Variants in NXPE2 observed in about 807,000 individuals in gnomAD.
NXPE2 encodes neurexophilin and PC-esterase domain family member 2.
A neutral mutation model predicts 34.4 loss-of-function variants in NXPE2; 34 were observed. The ratio of observed to expected loss-of-function variants is 0.99; its 90% CI spans 0.75 to 1.31. NXPE2 has a LOEUF of 1.31. Among genes scored for constraint, NXPE2 ranks in the 40% most tolerant of loss-of-function variants. NXPE2 has a pLI of 0.00. For synonymous variants in NXPE2, 235 were observed against 231.3 expected (o/e 1.02, Z -0.15); for missense variants, 649 against 672.5 (o/e 0.97, Z 0.39).
the NXPE2 span, among the ~76,000 whole-genome samples, chr11:114,505,896 C>G: frequency 3.3e-5 from 5 of 151,956 alleles, no homozygotes. Flanking sequence ...TGTAAATGGG[C>G]TAAATGCCCC....
the NXPE2 span, among the ~76,000 whole-genome samples, chr11:114,807,946 A>C: frequency 2.0e-5 from 3 of 152,234 alleles, no homozygotes; most frequent in African/African-American, 7.2e-5. Context: ...GTTGGAAGTA[A>C]AGCACTCCTC....
In NXPE2 at chr11:114,706,426, G is replaced by C; in HGVS notation, c.1176G>C (p.Gly392=). The stretch of plus-strand genomic sequence containing the variant: ...AATATTTTGATCATCATGGAGCTGG[G>C]ATCTTTAAAACACATGTTCTTCTGG... ...TLKYFDHHGA[G]IFKTHVLLDV... The change falls in exon 6 of 6, where the codon GGG becomes GGC. Residue 392 remains glycine, a synonymous_variant. Coordinates refer to ENST00000389586, the MANE Select transcript of NXPE2 (RefSeq NM_182495.6). The C allele has an allele frequency of 6.5e-7, 1 of 1,548,672 alleles. No individual in the cohort carries two copies. The highest frequency in any genetic ancestry group is 8.7e-7 in the Non-Finnish European group (1 of 1,145,428).
At chr11:114,771,442 C>G in the NXPE2 span, among the ~76,000 whole-genome samples, 1 of 151,162 alleles carries the variant, frequency 6.6e-6, no homozygotes, top group Non-Finnish European at 1.5e-5. Flanking sequence ...GGAAGCCTGA[C>G]AAGTGAATAG....
chr11:114,530,844 A>G, the NXPE2 span: 32 of 1,613,942 alleles, frequency 2.0e-5, no homozygotes, highest in Non-Finnish European at 7.6e-6. Context: ...TGTTTTAGGG[A>G]ATAAGGACTT....
At chr11:114,557,650 TA>T in the NXPE2 span, among the ~76,000 whole-genome samples, 1 of 51,930 alleles carries the variant, frequency 1.9e-5, no homozygotes, top group Non-Finnish European at 3.8e-5. Context: ...TATATATATA[TA>T]TATATATATA....
At chr11:114,539,428 T>TATAATA in the NXPE2 span, among the ~76,000 whole-genome samples, 34,232 of 151,688 alleles carry the variant, frequency 0.23, 5,401 homozygotes, top group African/African-American at 0.44. Context: ...AAACTTAAAG[T>TATAATA]ATAATAATAA....
At chr11:114,767,732 C>T in the NXPE2 span, among the ~76,000 whole-genome samples, 1 of 152,182 alleles carries the variant, frequency 6.6e-6, no homozygotes, top group Non-Finnish European at 1.5e-5. Flanking sequence ...ATGCTATGCT[C>T]TCCATGGTAC....
chr11:114,627,001 G>A, the NXPE2 span, among the ~76,000 whole-genome samples: 3 of 152,044 alleles, frequency 2.0e-5, no homozygotes, highest in African/African-American at 4.8e-5. Context: ...CAAAGCCTCC[G>A]AGAAATATGG....
chr11:114,653,609 G>A, the NXPE2 span, among the ~76,000 whole-genome samples: 1 of 145,420 alleles, frequency 6.9e-6, no homozygotes, highest in Non-Finnish European at 1.5e-5. Flanking sequence ...CTCACTGCAA[G>A]CTTCAACTTC....
At chr11:114,639,230 G>T in the NXPE2 span, among the ~76,000 whole-genome samples, 170 of 151,366 alleles carry the variant, frequency 1.1e-3, no homozygotes, top group African/African-American at 4.0e-3. Flanking sequence ...ACTGCTGTGC[G>T]AGCAATCAGC....
At chr11:114,704,887 C>T (rs1951443192) in intron 4 of NXPE2, among the ~76,000 whole-genome samples, 1 of 152,206 alleles carries the variant, frequency 6.6e-6, no homozygotes, top group Non-Finnish European at 1.5e-5. Context: ...TGTAACACCT[C>T]TTTTATTTCC....
the NXPE2 span, among the ~76,000 whole-genome samples, chr11:114,635,161 C>A: frequency 6.6e-6 from 1 of 150,394 alleles, no homozygotes; most frequent in African/African-American, 2.5e-5. Context: ...TTGTAGTTCT[C>A]CTTGAAGAGT....
At chr11:114,808,516 C>G in the NXPE2 span, among the ~76,000 whole-genome samples, 123,946 of 129,884 alleles carry the variant, frequency 0.95, 59,519 homozygotes, top group Middle Eastern at 1. Flanking sequence ...GGGGATATCA[C>G]CACCGATCCC....
At chr11:114,632,020 T>C in the NXPE2 span, among the ~76,000 whole-genome samples, 4 of 147,238 alleles carry the variant, frequency 2.7e-5, no homozygotes, top group African/African-American at 9.9e-5. Context: ...TAATAGATAA[T>C]AATTATACTT....
chr11:114,706,908 T>A lies in NXPE2; in HGVS notation c.1658T>A (p.Met553Lys), dbSNP rs1253318332. The stretch of plus-strand genomic sequence containing the variant: ...TATGTGATTCAAAATCAGATTGGCA[T>A]GTTCTTAAACTACATTTGTTAGAGG... Reference protein sequence around the residue: ...PDYVIQNQIGMFLNYIC With the variant: ...PDYVIQNQIGKFLNYIC The change falls in exon 6 of 6, where the codon ATG (methionine) becomes AAG (lysine). Residue 553 changes from methionine to lysine, a missense_variant. Coordinates refer to ENST00000389586, the MANE Select transcript of NXPE2 (RefSeq NM_182495.6). 1.9e-6 allele frequency: 3 copies of A among 1,549,618 alleles called. No individual in the cohort carries two copies. The highest frequency in any genetic ancestry group is 4.9e-5 in the East Asian group (2 of 41,018).
At chr11:114,534,769 T>C in the NXPE2 span, among the ~76,000 whole-genome samples, 1 of 152,064 alleles carries the variant, frequency 6.6e-6, no homozygotes, top group Non-Finnish European at 1.5e-5. Context: ...ATCCAAGAAA[T>C]ATGGGACTAT....
the NXPE2 span, among the ~76,000 whole-genome samples, chr11:114,795,531 C>T: frequency 5.9e-4 from 90 of 152,334 alleles, no homozygotes; most frequent in African/African-American, 2.1e-3. Flanking sequence ...TTATTCATCT[C>T]TCCCCGTCTG....
chr11:114,475,226 G>GCTTTTTT, the NXPE2 span, among the ~76,000 whole-genome samples: 1 of 88,070 alleles, frequency 1.1e-5, no homozygotes, highest in East Asian at 3.4e-4. Flanking sequence ...AATGTGAACT[G>GCTTTTTT]TTTTTTTTTT....
the NXPE2 span, among the ~76,000 whole-genome samples, chr11:114,586,092 C>A: frequency 6.6e-6 from 1 of 152,134 alleles, no homozygotes; most frequent in East Asian, 1.9e-4. Flanking sequence ...CCTGGGGTGA[C>A]CAATCTTTTT....
Sources: gnomAD v4.1 joint callset for allele counts (sites outside exome capture counted in the v4.1 genomes callset) on GRCh38, gnomAD v4.1.1 for gene constraint, MANE v1.5 for transcripts, NCBI Gene and HGNC (gene_info 2026-07-23, HGNC 2026-07-21) for gene names.